Variants in HAPLN1 observed in about 807,000 individuals in gnomAD.
The protein encoded by HAPLN1 is hyaluronan and proteoglycan link protein 1, also known as Cartilage link protein.
A neutral mutation model predicts 36.5 loss-of-function variants in HAPLN1; 13 were observed. That is an observed-to-expected ratio of 0.36 (90% confidence interval 0.23 to 0.57). The LOEUF (loss-of-function observed/expected upper bound fraction) is 0.57. Ranked by LOEUF, HAPLN1 falls within the 20% of genes least tolerant of loss-of-function variation. The probability of loss-of-function intolerance (pLI) is 0.83; values close to 1 mark genes in which losing one functional copy is unlikely to be tolerated. For missense variants in HAPLN1, 407 were observed against 439.7 expected, an observed-to-expected ratio of 0.93 and a Z score of 0.66; for synonymous variants, 202 against 169.8, an observed-to-expected ratio of 1.19 and a Z score of -1.48.
chr5:83,645,405 C>T (rs1488791383), intron 3 of HAPLN1, among the ~76,000 whole-genome samples: 3 of 151,824 alleles, frequency 2.0e-5, no homozygotes, highest in South Asian at 2.1e-4. Flanking sequence ...TAAATGCAGC[C>T]CAACAAAAAT....
intron 2 of HAPLN1, among the ~76,000 whole-genome samples, chr5:83,669,118 C>T (rs937613605): frequency 3.9e-5 from 6 of 152,138 alleles, no homozygotes; most frequent in South Asian, 2.1e-4. Context: ...GATCTGTGCT[C>T]ACATAGTAAA....
At chr5:83,646,956 C>T (rs1471797063) in intron 3 of HAPLN1, among the ~76,000 whole-genome samples, 1 of 152,176 alleles carries the variant, frequency 6.6e-6, no homozygotes, top group Non-Finnish European at 1.5e-5. Flanking sequence ...AGAAAGAAAC[C>T]AGTGGGGTTG....
chr5:83,651,462 C>T (rs1001923607), intron 3 of HAPLN1, among the ~76,000 whole-genome samples: 4 of 152,156 alleles, frequency 2.6e-5, no homozygotes, highest in Non-Finnish European at 5.9e-5. Context: ...CCAAGAACTA[C>T]CTATGAGAGA....
intron 3 of HAPLN1, among the ~76,000 whole-genome samples, chr5:83,646,689 A>T (rs994318659): frequency 2.0e-5 from 3 of 152,108 alleles, no homozygotes; most frequent in Non-Finnish European, 4.4e-5. Flanking sequence ...GTTGCCACTA[A>T]CTCCTGTGGT....
chr5:83,678,220 G>GGGGTGTGTGTGTGT (rs1554049526), intron 1 of HAPLN1, among the ~76,000 whole-genome samples: 2 of 142,536 alleles, frequency 1.4e-5, no homozygotes, highest in African/African-American at 2.5e-5. Flanking sequence ...CTATAGTTTG[G>GGGGTGTGTGTGTGT]GTGTGTGTGT....
At chr5:83,644,841 T>C (rs1425488445) in intron 3 of HAPLN1, among the ~76,000 whole-genome samples, 176 bp from the exon 4 acceptor site, 1 of 152,236 alleles carries the variant, frequency 6.6e-6, no homozygotes, top group East Asian at 1.9e-4. Context: ...CTCTCAGTTC[T>C]GAGCATCTCA....
chr5:83,681,838 A>G (rs553224397), intron 1 of HAPLN1, among the ~76,000 whole-genome samples: 1 of 152,340 alleles, frequency 6.6e-6, no homozygotes, highest in Admixed American at 6.5e-5. Context: ...GAAATTTAGA[A>G]TTTAGAATTT....
chr5:83,661,526 G>C (rs956703592), intron 2 of HAPLN1, among the ~76,000 whole-genome samples: 17 of 131,510 alleles, frequency 1.3e-4, no homozygotes, highest in Non-Finnish European at 2.6e-4. Context: ...CTCACTGCAA[G>C]CTCTGCCTCC....
At chr5:83,701,303 C>G (rs531102911) in intron 1 of HAPLN1, among the ~76,000 whole-genome samples, 3 of 152,266 alleles carry the variant, frequency 2.0e-5, no homozygotes, top group Admixed American at 2.0e-4. Context: ...AAAACTGGAC[C>G]AAGTGGGTGG....
At position 83,675,488 on chromosome 5, in the gene HAPLN1, C is replaced by A. The variant is rs13355611; in HGVS notation, c.-26-1939G>T. 9.1e-3 allele frequency among the ~76,000 whole-genome samples: 1,381 copies of A among 152,198 alleles called. 27 individuals carry two copies. Among genetic ancestry groups the A allele is most frequent in the African/African-American group, 0.031 (1,306 of 41,516 alleles). On this transcript the variant is annotated intron_variant, in intron 1 of 4. Transcript: ENST00000274341. ...CATGTATAGTGTAATTTATAGGGAGCTGTATATGATACACACACTAGGTTA... is the reference window on the plus strand; with the variant it reads ...CATGTATAGTGTAATTTATAGGGAGATGTATATGATACACACACTAGGTTA...
intron 2 of HAPLN1, among the ~76,000 whole-genome samples, chr5:83,671,558 C>A (rs775509648): frequency 2.0e-5 from 3 of 152,080 alleles, no homozygotes; most frequent in Non-Finnish European, 4.4e-5. Flanking sequence ...TTTATTTTTG[C>A]ATTATAAAAA....
intron 1 of HAPLN1, among the ~76,000 whole-genome samples, chr5:83,697,485 A>G (rs1227823568): frequency 6.6e-6 from 1 of 152,186 alleles, no homozygotes; most frequent in Non-Finnish European, 1.5e-5. Context: ...GCTTTAATGA[A>G]TAATGCTGCT....
At chr5:83,666,716 A>T (rs946331879) in intron 2 of HAPLN1, among the ~76,000 whole-genome samples, 1 of 152,178 alleles carries the variant, frequency 6.6e-6, no homozygotes, top group Non-Finnish European at 1.5e-5. Flanking sequence ...TAGTTTGGTA[A>T]CTACTTACTC....
At chr5:83,660,927 G>A (rs959870711) in intron 2 of HAPLN1, among the ~76,000 whole-genome samples, 1 of 152,100 alleles carries the variant, frequency 6.6e-6, no homozygotes, top group Admixed American at 6.5e-5. Context: ...TGCCCAGCTG[G>A]TGTAGACTCT....
At chr5:83,644,051 G>A (rs1374747478) in intron 4 of HAPLN1, among the ~76,000 whole-genome samples, 2 of 152,152 alleles carry the variant, frequency 1.3e-5, no homozygotes, top group Admixed American at 1.3e-4. Flanking sequence ...CCTACGGAGG[G>A]CACACACTGG....
intron 1 of HAPLN1, among the ~76,000 whole-genome samples, chr5:83,717,271 C>A (rs956153013): frequency 6.6e-6 from 1 of 151,996 alleles, no homozygotes; most frequent in African/African-American, 2.4e-5. Flanking sequence ...GATGCTAATT[C>A]CAAACAGTAC....
rs145305663 is a variant in HAPLN1, at chr5:83,669,605, T to C, written c.100+3819A>G. ...AAGAACTTATAAAATGTTTACTTTATTAGAATTAAGGTGATGATATGTTCT... is the reference window on the plus strand; with the variant it reads ...AAGAACTTATAAAATGTTTACTTTACTAGAATTAAGGTGATGATATGTTCT... On this transcript the variant is annotated intron_variant, in intron 2 of 4. Transcript: ENST00000274341. Among the ~76,000 whole-genome samples the C allele has an allele frequency of 9.2e-5, 14 of 152,332 alleles. No individual in the cohort carries two copies. In the East Asian group the frequency reaches 2.7e-3, roughly 29 times the overall value.
chr5:83,678,420 C>T (rs1750914115), intron 1 of HAPLN1, among the ~76,000 whole-genome samples: 1 of 152,138 alleles, frequency 6.6e-6, no homozygotes, highest in Admixed American at 6.6e-5. Flanking sequence ...GAAAGATTCT[C>T]ATCCACAAAT....
chr5:83,720,639 G>T (rs1258171571), intron 1 of HAPLN1, 150 bp downstream of exon 1: 4 of 152,170 alleles, frequency 2.6e-5, no homozygotes, highest in Non-Finnish European at 5.9e-5. Context: ...AAAAGTTGAG[G>T]TGTCATATTA....
Sources: gnomAD v4.1 joint callset for allele counts (sites outside exome capture counted in the v4.1 genomes callset) on GRCh38, gnomAD v4.1.1 for gene constraint, MANE v1.5 for transcripts, NCBI Gene and HGNC (gene_info 2026-07-23, HGNC 2026-07-21) for gene names.